Variants in COL1A1 observed in about 807,000 individuals in gnomAD.
The protein encoded by COL1A1 is collagen alpha-1(I) chain.
A neutral mutation model predicts 195.7 loss-of-function variants in COL1A1; 21 were observed. That is an observed-to-expected ratio of 0.11 (90% CI 0.08 to 0.15). COL1A1 has a LOEUF of 0.15. COL1A1 is among the 10% of genes least tolerant of loss of function. COL1A1 has a pLI of 1.00. For synonymous variants in COL1A1, 749 were observed against 747.3 expected, an observed-to-expected ratio of 1.00 and a Z score of -0.04; for missense variants, 1,365 against 2,051.0, an observed-to-expected ratio of 0.67 and a Z score of 6.46.
rs754027161 is a variant in COL1A1, at chr17:50,201,424, G to A, written c.90C>T (p.Gly30=). The change falls in exon 1 of 51, where the codon GGC becomes GGT. Residue 30 remains glycine (G), a synonymous_variant. Transcript: ENST00000225964. ...THGQEEGQVE[G]QDEDIPPITC... ...TTTGGGACTTACTGTCTTCGTCTTG[G>A]CCCTCGACTTGGCCTTCCTCTTGGC... is the stretch of plus-strand genomic sequence containing the variant. 3.1e-6 allele frequency: 5 copies of A among 1,613,784 alleles called. No individual in the cohort carries two copies. The highest frequency in any genetic ancestry group is 4.2e-6 in the Non-Finnish European group (5 of 1,180,030).
In COL1A1 at chr17:50,186,143, C is replaced by A; in HGVS notation, c.4006-123G>T. 3 of 1,532,276 alleles carry A rather than the reference C, an allele frequency of 2.0e-6. No homozygotes were observed. The highest frequency in any genetic ancestry group is 2.3e-5 in the South Asian group (2 of 87,290). 94.9% of individuals were successfully genotyped at this position (1,532,276 alleles called of 1,614,324 possible). On this transcript the variant is annotated intron_variant, in intron 49 of 50. Transcript: ENST00000225964. This position sits in a 1 kb window ranked among gnomAD's most constrained non-coding sequence, Gnocchi z 5.3. ...GCACCGTTATATCGAGAGGAGGCAC[C>A]ACCTGCCCATCGGCAGCCTGTGTCT...
intron 25 of COL1A1, 88 bp downstream of exon 25, chr17:50,193,855 C>A: frequency 1.7e-6 from 2 of 1,191,250 alleles, no homozygotes; most frequent in Non-Finnish European, 2.5e-6. Context: ...GGCAGGTCAG[C>A]GGCACAGCTG....
intron 11 of COL1A1, 118 bp downstream of exon 11, chr17:50,196,892 G>A (rs1907638188): frequency 8.0e-7 from 1 of 1,257,804 alleles, no homozygotes; most frequent in African/African-American, 1.5e-5. Context: ...CTGTCCCTTG[G>A]GACTTCTGTA....
At position 50,197,195 on chromosome 17, in the gene COL1A1, C is replaced by T. The variant is rs1285183994; in HGVS notation, c.735G>A (p.Gly245=). Residue 245 remains glycine (G), a synonymous_variant, in exon 10 of 51, where the codon GGG becomes GGA. Coordinates refer to ENST00000225964, the MANE Select transcript of COL1A1 (RefSeq NM_000088.4). The part of the protein sequence containing the change: ...AGKPGRPGER[G]PPGPQGARGL... ...CCCTGCTCACCTGAGGCCCAGGAGGCCCACGCTCACCAGGACGACCAGGTT... is the reference window on the plus strand; with the variant it reads ...CCCTGCTCACCTGAGGCCCAGGAGGTCCACGCTCACCAGGACGACCAGGTT... The T allele has an allele frequency of 2.5e-6, 4 of 1,613,336 alleles. No individual in the cohort carries two copies. The highest frequency in any genetic ancestry group is 3.4e-6 in the Non-Finnish European group (4 of 1,180,008).
In COL1A1 at chr17:50,189,367, T is replaced by C. The variant is rs778036108; in HGVS notation, c.2829+10A>G. On this transcript the variant is annotated intron_variant, in intron 39 of 50. Coordinates refer to ENST00000225964, the MANE Select transcript of COL1A1 (RefSeq NM_000088.4). This position sits in a 1 kb window ranked among gnomAD's most constrained non-coding sequence, Gnocchi z 5.5. ...CCTCCGGAGCTGCAGAGATCTGAGC[T>C]GGCACTTACAGCAGGACCATCAGCA... 3 of 1,613,388 alleles carry C rather than the reference T, an allele frequency of 1.9e-6. No homozygotes were observed. The highest frequency in any genetic ancestry group is 1.6e-4 in the Middle Eastern group (1 of 6,062).
rs758395597 is a variant in COL1A1 at position 50,199,851 on chromosome 17, T to C, written c.200A>G (p.Lys67Arg). The C allele has an allele frequency of 1.1e-5, 18 of 1,614,020 alleles. No individual in the cohort carries two copies. The highest frequency in any genetic ancestry group is 1.4e-5 in the Non-Finnish European group (17 of 1,180,016). ...ACAGATCACGTCATCGCACAACACC[T>C]TGCCGTTGTCGCAGACGCAGATCCG... ...PCRICVCDNG[K>R]VLCDDVICDE... is the part of the protein sequence containing the mutation. The change falls in exon 2 of 51, where the codon AAG (lysine) becomes AGG (arginine). Residue 67 changes from lysine to arginine, a missense_variant. Coordinates refer to ENST00000225964, the MANE Select transcript of COL1A1 (RefSeq NM_000088.4).
Position 50,192,703 on chromosome 17 carries a change from G to C in COL1A1, c.1876-10C>G. On this transcript the variant is annotated splice_polypyrimidine_tract_variant and intron_variant, in intron 27 of 50. Coordinates refer to ENST00000225964, the MANE Select transcript of COL1A1 (RefSeq NM_000088.4). ...TCTCGCCAGCGGGACCCTGCACAGA[G>C]AGAACACTACAGTCACGGGGAGGCC... The C allele has an allele frequency of 6.2e-7, 1 of 1,614,174 alleles. No homozygotes were observed.
chr17:50,190,623 G>T lies in COL1A1; in HGVS notation c.2344-27C>A. 1 of 1,611,274 alleles carries T rather than the reference G, an allele frequency of 6.2e-7. No homozygotes were observed. Among genetic ancestry groups the T allele is most frequent in the South Asian group, 1.1e-5 (1 of 90,928 alleles). ...TGAGAGCAAGGGACAAGAGGCTCAG[G>T]GTCAGGGCCTCCCCTGAATACTCCT... On this transcript the variant is annotated intron_variant, in intron 33 of 50. Transcript: ENST00000225964. The surrounding 1 kb of genome is among the most constrained non-coding windows in gnomAD (Gnocchi z 4.7).
rs1907063087 is a variant in COL1A1, at chr17:50,191,395, A to G, written c.2223T>C (p.Pro741=). 1 of 1,614,026 alleles carries G rather than the reference A, an allele frequency of 6.2e-7. No homozygotes were observed. Among genetic ancestry groups the G allele is most frequent in the Non-Finnish European group, 8.5e-7 (1 of 1,179,928 alleles). ...GERGAAGLPG[P]KGDRGDAGPK... ...AGGTTGAACTTACTCTGTCACCCTT[A>G]GGCCCTGGAAGACCAGCTGCACCAC... is the stretch of plus-strand genomic sequence containing the variant. Residue 741 remains proline, a synonymous_variant, in exon 32 of 51, where the codon CCT becomes CCC. Transcript: ENST00000225964.
intron 2 of COL1A1, 48 bp downstream of exon 2, chr17:50,199,704 AG>A (rs377457550): frequency 0.035 from 39 of 1,128 alleles, no homozygotes; most frequent in Middle Eastern, 0.25. Flanking sequence ...CCCCAGCCCC[AG>A]GCCCCAGGCC....
intron 1 of COL1A1, among the ~76,000 whole-genome samples, chr17:50,200,643 C>A (rs1042652685): frequency 9.2e-5 from 14 of 152,190 alleles, no homozygotes; most frequent in African/African-American, 3.4e-4. Context: ...CCACTCCCAC[C>A]GCGCTAGCGG....
In COL1A1 at chr17:50,187,890, G is replaced by A; in HGVS notation, c.3355C>T (p.Pro1119Ser). ...AGCATACTTACAGGAGGGCCAGGGG[G>A]ACCCTGGAGGCCAGAGAAGCCACGG... ...GHRGFSGLQG[P>S]PGPPGSPGEQ... is the part of the protein sequence containing the mutation. The change falls in exon 45 of 51, where the codon CCC (proline) becomes TCC (serine). Residue 1119 changes from proline (P) to serine (S), a missense_variant. By Grantham distance (74) the Pro-to-Ser change is moderately conservative (BLOSUM62 -1). Around this residue, in one of 5 missense-constraint regions of COL1A1, gnomAD observed 671 missense variants for 1,099.9 expected, o/e 0.61. Coordinates refer to ENST00000225964, the MANE Select transcript of COL1A1 (RefSeq NM_000088.4). The A allele has an allele frequency of 1.2e-6, 2 of 1,605,372 alleles. No individual in the cohort carries two copies. The highest frequency in any genetic ancestry group is 2.2e-5 in the East Asian group (1 of 44,798).
In COL1A1 at chr17:50,196,557, A is replaced by G. The variant is rs200352916; in HGVS notation, c.859-29T>C. On this transcript the variant is annotated intron_variant, in intron 12 of 50. Coordinates refer to ENST00000225964, the MANE Select transcript of COL1A1 (RefSeq NM_000088.4). The stretch of plus-strand genomic sequence containing the variant: ...TAGATCAGAGAATAATGAGTGAGAA[A>G]TTCATTCATGGTGGGACTCTGGGGA... 8.1e-5 allele frequency: 131 copies of G among 1,614,068 alleles called. No homozygotes were observed. In the East Asian group the frequency reaches 2.9e-3, roughly 36 times the overall value.
At position 50,195,934 on chromosome 17, in the gene COL1A1, C is replaced by A. The variant is rs72645362; in HGVS notation, c.1045G>T (p.Val349Phe). The change falls in exon 16 of 51, where the codon GTT (valine) becomes TTT (phenylalanine). Residue 349 changes from valine (V) to phenylalanine (F), a missense_variant. Val to Phe is a conservative substitution (Grantham distance 50, BLOSUM62 -1). Around this residue, in one of 5 missense-constraint regions of COL1A1, gnomAD observed 226 missense variants for 372.9 expected, o/e 0.61. Coordinates refer to ENST00000225964, the MANE Select transcript of COL1A1 (RefSeq NM_000088.4). This position sits in a 1 kb window ranked among gnomAD's most constrained non-coding sequence, Gnocchi z 4.3. ...PAGPPGFPGA[V>F]GAKGEAGPQG... is the part of the protein sequence containing the mutation. ...GTGGGGGGTCTCACCTTAGCACCAA[C>A]AGCACCAGGGAAGCCAGGAGGACCA... The A allele has an allele frequency of 2.3e-5, 37 of 1,587,412 alleles. No homozygotes were observed. The highest frequency in any genetic ancestry group is 1.7e-4 in the Middle Eastern group (1 of 6,060).
chr17:50,199,037 GATACAT>G (rs527752895), intron 5 of COL1A1, among the ~76,000 whole-genome samples, 183 bp downstream of exon 5: 2 of 152,214 alleles, frequency 1.3e-5, no homozygotes, highest in Non-Finnish European at 2.9e-5. Flanking sequence ...GAAAAAAAAA[GATACAT>G]ATACATAAAC....
At chr17:50,192,610 C>T (rs1297542470) in intron 28 of COL1A1, 30 bp downstream of exon 28, 1 of 1,614,066 alleles carries the variant, frequency 6.2e-7, no homozygotes. Flanking sequence ...ACCCCTACCT[C>T]CCAGCATCCT....
chr17:50,185,914 T>C lies in COL1A1; in HGVS notation c.4112A>G (p.Lys1371Arg). The C allele has an allele frequency of 3.1e-6, 5 of 1,614,098 alleles. No individual in the cohort carries two copies. Among genetic ancestry groups the C allele is most frequent in the Non-Finnish European group, 4.2e-6 (5 of 1,179,998 alleles). The change falls in exon 50 of 51, where the codon AAG becomes AGG. Residue 1371 changes from lysine to arginine, a missense_variant. Coordinates refer to ENST00000225964, the MANE Select transcript of COL1A1 (RefSeq NM_000088.4). ...EASQNITYHC[K>R]NSVAYMDQQT... ...CTGGTCCATGTAGGCCACGCTGTTCTTGCAGTGGTAGGTGATGTTCTGGGA... is the reference window on the plus strand; with the variant it reads ...CTGGTCCATGTAGGCCACGCTGTTCCTGCAGTGGTAGGTGATGTTCTGGGA...
At chr17:50,192,568 A>T (rs1378321666) in intron 28 of COL1A1, 40 bp from the exon 29 acceptor site, 3 of 1,614,056 alleles carry the variant, frequency 1.9e-6, no homozygotes, top group Non-Finnish European at 2.5e-6. Flanking sequence ...GGGAAGGTTT[A>T]GAATCTGGAA....
rs767937112 is a variant in COL1A1 at position 50,189,311 on chromosome 17, C to A, written c.2830-36G>T. 15 of 1,613,642 alleles carry A rather than the reference C, an allele frequency of 9.3e-6. No homozygotes were observed. Among genetic ancestry groups the A allele is most frequent in the Admixed American group, 5.0e-5 (3 of 59,996 alleles). ...CAAACAGGGGTGAGGTGCCAGAGAGCAGCACAGGGACCCCTCCCCAGCTCT... is the reference window on the plus strand; with the variant it reads ...CAAACAGGGGTGAGGTGCCAGAGAGAAGCACAGGGACCCCTCCCCAGCTCT... On this transcript the variant is annotated intron_variant, in intron 39 of 50. Transcript: ENST00000225964. The surrounding 1 kb of genome is among the most constrained non-coding windows in gnomAD (Gnocchi z 5.5).
Sources: allele counts gnomAD v4.1 joint callset (sites outside exome capture counted in the v4.1 genomes callset), GRCh38; gene constraint gnomAD v4.1.1; regional missense constraint gnomAD v4.1.1; non-coding constraint Gnocchi (gnomAD v3.1); transcripts MANE v1.5; gene names NCBI Gene and HGNC (gene_info 2026-07-23, HGNC 2026-07-21).